The following ELMO1 variants were observed in gnomAD, a reference collection of about 807,000 sequenced individuals.
ELMO1 encodes engulfment and cell motility protein 1.
A neutral mutation model predicts 98.9 loss-of-function variants in ELMO1; 26 were observed. That is an observed-to-expected ratio of 0.26 (90% CI 0.19 to 0.36). The LOEUF (loss-of-function observed/expected upper bound fraction) is 0.36. Ranked by LOEUF, ELMO1 falls within the 10% of genes least tolerant of loss-of-function variation. The probability of loss-of-function intolerance (pLI) is 1.00; values close to 1 mark genes in which losing one functional copy is unlikely to be tolerated. For synonymous variants in ELMO1, 346 were observed against 346.0 expected (o/e 1.00, Z 0.00); for missense variants, 627 against 935.2 (o/e 0.67, Z 4.30).
At chr7:37,268,272 C>A (rs1326784292) in intron 5 of ELMO1, among the ~76,000 whole-genome samples, 1 of 152,174 alleles carries the variant, frequency 6.6e-6, no homozygotes, top group African/African-American at 2.4e-5. Context: ...AAAGGTCACA[C>A]ACATTTGCAC....
intron 15 of ELMO1, among the ~76,000 whole-genome samples, chr7:37,071,986 C>T (rs1236252135): frequency 1.3e-5 from 2 of 152,154 alleles, no homozygotes; most frequent in Admixed American, 1.3e-4. Flanking sequence ...GGAGCTGAAG[C>T]TCAAGAGTAA....
At chr7:37,212,835 C>A (rs1378677552) in intron 12 of ELMO1, among the ~76,000 whole-genome samples, 7 of 152,176 alleles carry the variant, frequency 4.6e-5, no homozygotes, top group Non-Finnish European at 8.8e-5. Flanking sequence ...CTTTCATGCA[C>A]AACAAGAGAC....
At chr7:37,402,304 A>C (rs1230074483) in intron 1 of ELMO1, among the ~76,000 whole-genome samples, 1 of 152,152 alleles carries the variant, frequency 6.6e-6, no homozygotes, top group African/African-American at 2.4e-5. Context: ...GAAATTAGAG[A>C]GACTCTAAAT....
intron 16 of ELMO1, among the ~76,000 whole-genome samples, chr7:36,919,149 A>G (rs963344073): frequency 6.6e-6 from 1 of 152,234 alleles, no homozygotes; most frequent in Non-Finnish European, 1.5e-5. Context: ...TCAAGCAAGT[A>G]AATATGCACC....
intron 1 of ELMO1, chr7:37,429,150 G>C (rs1307738584): frequency 2.6e-5 from 4 of 152,184 alleles, no homozygotes; most frequent in Admixed American, 2.6e-4. Flanking sequence ...AAACTGTCAG[G>C]ATCCAACTTG....
intron 13 of ELMO1, among the ~76,000 whole-genome samples, chr7:37,153,728 GT>G (rs1788524024): frequency 1.3e-5 from 2 of 152,132 alleles, no homozygotes; most frequent in African/African-American, 4.8e-5. Context: ...GAGGCAGGGC[GT>G]ATCTGAACAA....
chr7:37,166,824 G>T (rs1271927746), intron 13 of ELMO1, among the ~76,000 whole-genome samples: 2 of 152,142 alleles, frequency 1.3e-5, no homozygotes, highest in Non-Finnish European at 2.9e-5. Context: ...ATTGATTTGG[G>T]GAGGAGAGTT....
At position 37,444,816 on chromosome 7, in the gene ELMO1, T is replaced by C. The variant is rs141063757; in HGVS notation, c.-74+3859A>G. ...GGCGTGAGCCACCGCGCCCGGCCAA[T>C]AGTAGCATTTTGAAAAGTTAAGTCA... On this transcript the variant is annotated intron_variant, in intron 1 of 21. Transcript: ENST00000310758. Among the ~76,000 whole-genome samples the C allele has an allele frequency of 5.7e-3, 875 of 152,272 alleles. 11 individuals are homozygous for C. Among genetic ancestry groups the C allele is most frequent in the African/African-American group, 0.02 (836 of 41,548 alleles).
At chr7:37,154,759 G>T (rs1379661770) in intron 13 of ELMO1, among the ~76,000 whole-genome samples, 1 of 152,172 alleles carries the variant, frequency 6.6e-6, no homozygotes, top group East Asian at 1.9e-4. Context: ...ACCCAGGAGG[G>T]CTTCCCCAAT....
rs554822181 is a variant in ELMO1 at position 37,154,136 on chromosome 7, C to A, written c.1087-20902G>T. On this transcript the variant is annotated intron_variant, in intron 13 of 21. Coordinates refer to ENST00000310758, the MANE Select transcript of ELMO1 (RefSeq NM_014800.11). ...CATCAACATCAACAAAAAAGGACAT[C>A]CACACCAAAACCTCATCTGTAGGTC... Among the ~76,000 whole-genome samples the A allele has an allele frequency of 3.3e-5, 5 of 152,288 alleles. No individual in the cohort carries two copies. In the South Asian group the frequency reaches 1.0e-3, roughly 32 times the overall value.
At chr7:37,007,764 G>T (rs1584507241) in intron 16 of ELMO1, among the ~76,000 whole-genome samples, 1 of 152,286 alleles carries the variant, frequency 6.6e-6, no homozygotes, top group African/African-American at 2.4e-5. Context: ...TCCACTAGAT[G>T]TGACTAGCTG....
chr7:37,204,179 T>C (rs772051871), intron 13 of ELMO1: 33 of 456,306 alleles, frequency 7.2e-5, no homozygotes, highest in Non-Finnish European at 2.6e-5. Context: ...CCAAAATGTG[T>C]CTGGAATTGG....
At chr7:37,365,383 C>A (rs1418963862) in intron 1 of ELMO1, among the ~76,000 whole-genome samples, 1 of 152,206 alleles carries the variant, frequency 6.6e-6, no homozygotes, top group Non-Finnish European at 1.5e-5. Context: ...ACCCTGTACC[C>A]AAGCTCCCTC....
intron 4 of ELMO1, among the ~76,000 whole-genome samples, chr7:37,296,521 G>A (rs1452401454): frequency 2.0e-5 from 3 of 152,044 alleles, no homozygotes; most frequent in East Asian, 1.9e-4. Context: ...CAAAATCCTC[G>A]TTGCCATACG....
At chr7:37,166,835 C>A (rs1789733325) in intron 13 of ELMO1, among the ~76,000 whole-genome samples, 1 of 152,122 alleles carries the variant, frequency 6.6e-6, no homozygotes, top group East Asian at 1.9e-4. Context: ...GAGGAGAGTT[C>A]TGTAGATGTC....
intron 15 of ELMO1, among the ~76,000 whole-genome samples, chr7:37,018,956 G>C (rs1344182737): frequency 6.6e-6 from 1 of 152,178 alleles, no homozygotes; most frequent in African/African-American, 2.4e-5. Flanking sequence ...GATAAGCGGG[G>C]GGCGGGGGTG....
intron 8 of ELMO1, among the ~76,000 whole-genome samples, chr7:37,228,814 A>G (rs1794009278): frequency 6.6e-6 from 1 of 151,770 alleles, no homozygotes; most frequent in Non-Finnish European, 1.5e-5. Context: ...ACATGGTGAA[A>G]CCCCCATCTC....
chr7:36,880,471 T>C (rs1022708565), intron 18 of ELMO1, among the ~76,000 whole-genome samples: 13 of 152,236 alleles, frequency 8.5e-5, no homozygotes, highest in African/African-American at 2.9e-4. Flanking sequence ...GTGTAAGATA[T>C]ATTGATTTGT....
chr7:37,086,716 CT>C (rs1783800343), intron 15 of ELMO1, among the ~76,000 whole-genome samples: 1 of 121,262 alleles, frequency 8.2e-6, no homozygotes, highest in Non-Finnish European at 1.7e-5. Flanking sequence ...GCACTCCAGC[CT>C]GGGCAACAGA....
Sources: allele counts gnomAD v4.1 joint callset (sites outside exome capture counted in the v4.1 genomes callset), GRCh38; gene constraint gnomAD v4.1.1; transcripts MANE v1.5; gene names NCBI Gene and HGNC (gene_info 2026-07-23, HGNC 2026-07-21).